NELL2: variants seen among roughly 807,000 people sequenced by gnomAD.
NELL2 encodes protein kinase C-binding protein NELL2.
Under a neutral mutation model 109.6 loss-of-function variants are expected in NELL2, and 41 were observed. The observed-to-expected ratio is 0.37, with a 90% CI of 0.29 to 0.49. The LOEUF (loss-of-function observed/expected upper bound fraction) is 0.49, where lower values mean the gene tolerates loss of function less well. NELL2 is among the 20% of genes least tolerant of loss of function. NELL2 has a pLI of 0.98. For missense variants in NELL2, 900 were observed against 1,008.3 expected (o/e 0.89, Z 1.45); for synonymous variants, 355 against 344.7 (o/e 1.03, Z -0.33).
At chr12:44,824,011 C>A (rs888871417) in intron 2 of NELL2, among the ~76,000 whole-genome samples, 2 of 152,116 alleles carry the variant, frequency 1.3e-5, no homozygotes, top group Non-Finnish European at 2.9e-5. Flanking sequence ...TTTTCACATA[C>A]ATTTTGACTA....
At chr12:44,661,771 T>A (rs1947751701) in intron 13 of NELL2, among the ~76,000 whole-genome samples, 1 of 152,188 alleles carries the variant, frequency 6.6e-6, no homozygotes, top group African/African-American at 2.4e-5. Context: ...TTTGCAGAGA[T>A]CCTGAAGAAT....
intron 1 of NELL2, among the ~76,000 whole-genome samples, chr12:44,908,810 C>A (rs887964071): frequency 1.3e-5 from 2 of 151,870 alleles, no homozygotes; most frequent in African/African-American, 4.8e-5. Flanking sequence ...AATGACCACA[C>A]TAGAAAAATA....
rs563769057 is a variant in NELL2 at position 44,648,900 on chromosome 12, T to TTGTGTGTGTGTGTGTGTG, written c.1444+16566_1444+16583dup. Among the ~76,000 whole-genome samples, 582 of 107,130 alleles carry TTGTGTGTGTGTGTGTGTG rather than the reference T, an allele frequency of 5.4e-3. 10 individuals carry two copies. The highest frequency in any genetic ancestry group is 0.018 in the East Asian group (61 of 3,308). 70.3% of individuals were successfully genotyped at this position (107,130 alleles called of 152,430 possible). A position where few individuals can be genotyped will look rare whatever the true frequency, so the allele number is the denominator to read the frequency against. On this transcript the variant is annotated intron_variant, in intron 13 of 19. Transcript: ENST00000429094. ...ACAGGCGCATGCCACCACGCCCAGC[T>TTGTGTGTGTGTGTGTGTG]TGTGTGTGTGTGTGTGTGTGTGTGT...
chr12:44,515,941 T>G (rs1206918014), intron 19 of NELL2, among the ~76,000 whole-genome samples: 2 of 151,928 alleles, frequency 1.3e-5, no homozygotes, highest in Non-Finnish European at 2.9e-5. Context: ...TCCTTTATTT[T>G]CAAGATTTTT....
intron 15 of NELL2, among the ~76,000 whole-genome samples, chr12:44,577,564 G>A (rs113241806): frequency 0.046 from 6,144 of 133,100 alleles, 450 homozygotes; most frequent in African/African-American, 0.16. Flanking sequence ...TGCAAGCCCC[G>A]CCTCCCGGGT....
chr12:44,777,190 T>G, intron 6 of NELL2, 52 bp downstream of exon 6: 1 of 1,608,458 alleles, frequency 6.2e-7, no homozygotes, highest in Non-Finnish European at 8.5e-7. Flanking sequence ...GTTAAGTCTA[T>G]GCTGACAAGT....
At chr12:44,703,295 C>T (rs1307133843) in intron 12 of NELL2, among the ~76,000 whole-genome samples, 1 of 152,136 alleles carries the variant, frequency 6.6e-6, no homozygotes, top group East Asian at 1.9e-4. Flanking sequence ...ATGAATACAA[C>T]CACTTAGATT....
intron 15 of NELL2, among the ~76,000 whole-genome samples, chr12:44,574,149 T>A (rs1170117268): frequency 1.3e-5 from 2 of 152,054 alleles, no homozygotes; most frequent in East Asian, 3.9e-4. Flanking sequence ...CTGCAACCTC[T>A]GTCTCTTGGG....
At chr12:44,702,825 T>C (rs1179502323) in intron 12 of NELL2, among the ~76,000 whole-genome samples, 2 of 149,668 alleles carry the variant, frequency 1.3e-5, no homozygotes, top group Non-Finnish European at 2.9e-5. Context: ...GAAAAAACTA[T>C]TTAAGCTAAG....
intron 2 of NELL2, among the ~76,000 whole-genome samples, chr12:44,874,537 G>C (rs917073698): frequency 2.0e-5 from 3 of 152,110 alleles, no homozygotes; most frequent in Non-Finnish European, 2.9e-5. Context: ...TTTGTGCCCA[G>C]CCAATATCCA....
intron 11 of NELL2, among the ~76,000 whole-genome samples, chr12:44,704,288 T>C (rs1937729214): frequency 6.6e-6 from 1 of 152,054 alleles, no homozygotes. Context: ...GTACCTATTG[T>C]GTATTTAAGA....
intron 12 of NELL2, among the ~76,000 whole-genome samples, chr12:44,671,534 G>A (rs1421160994): frequency 6.6e-6 from 1 of 151,882 alleles, no homozygotes; most frequent in Non-Finnish European, 1.5e-5. Flanking sequence ...TTATTACATA[G>A]AATAACAAAG....
At chr12:44,587,282 A>AT (rs1251414688) in intron 15 of NELL2, among the ~76,000 whole-genome samples, 14 of 70,502 alleles carry the variant, frequency 2.0e-4, no homozygotes, top group African/African-American at 8.0e-4. Context: ...AAAAAAAAAA[A>AT]AAATATATAT....
intron 9 of NELL2, among the ~76,000 whole-genome samples, chr12:44,767,088 C>T (rs376604277): frequency 3.3e-5 from 5 of 152,034 alleles, no homozygotes; most frequent in Non-Finnish European, 5.9e-5. Context: ...TTACGTCTAC[C>T]GGAAAACCCA....
chr12:44,509,021 A>G, intron 19 of NELL2, 37 bp from the exon 20 acceptor site: 2 of 1,556,850 alleles, frequency 1.3e-6, no homozygotes, highest in Non-Finnish European at 1.8e-6. Context: ...AACAGTATGA[A>G]TTTTTAAGCC....
rs1940845154 is a variant in NELL2 at position 44,508,827 on chromosome 12, G to A, written c.*107C>T. On this transcript the variant is annotated 3_prime_UTR_variant, in exon 20 of 20. Coordinates refer to ENST00000429094, the MANE Select transcript of NELL2 (RefSeq NM_001145108.2). ...GAAAGTTCACTCAGCTATTAACAAA[G>A]CTGCATTTAGCTGCCCACAAATCAC... 1.1e-6 allele frequency: 1 copy of A among 874,070 alleles called. No individual in the cohort carries two copies. Among genetic ancestry groups the A allele is most frequent in the African/African-American group, 1.7e-5 (1 of 58,908 alleles). The allele number at this position is 874,070 out of a possible 1,614,324, so 54.1% of individuals were successfully genotyped here. A position where few individuals can be genotyped will look rare whatever the true frequency, so the allele number is the denominator to read the frequency against.
Position 44,813,572 on chromosome 12 carries a change from T to C in NELL2, c.335+2414A>G, listed in dbSNP as rs1943245821. On this transcript the variant is annotated intron_variant, in intron 3 of 19. Coordinates refer to ENST00000429094, the MANE Select transcript of NELL2 (RefSeq NM_001145108.2). ...TGTATAAGAAATATTCATCATATTA[T>C]TATTTATTAAAATTTACAAAGTAAA... Among the ~76,000 whole-genome samples, 3 of 152,284 alleles carry C rather than the reference T, an allele frequency of 2.0e-5. No homozygotes were observed. The South Asian group carries it at 6.2e-4, about 32-fold the overall frequency.
At chr12:44,714,551 G>C (rs1938381464) in intron 10 of NELL2, 99 bp downstream of exon 10, 3 of 667,402 alleles carry the variant, frequency 4.5e-6, no homozygotes, top group Admixed American at 7.0e-5. Flanking sequence ...CTTTGCATTA[G>C]AATTTCAAAA....
intron 2 of NELL2, among the ~76,000 whole-genome samples, chr12:44,825,441 G>T (rs1276894135): frequency 7.5e-6 from 1 of 133,984 alleles, no homozygotes; most frequent in Non-Finnish European, 1.5e-5. Context: ...CTGTCACCAG[G>T]CTGGAGTGCA....
Sources: gnomAD v4.1 joint callset for allele counts (sites outside exome capture counted in the v4.1 genomes callset) on GRCh38, gnomAD v4.1.1 for gene constraint, MANE v1.5 for transcripts, NCBI Gene and HGNC (gene_info 2026-07-23, HGNC 2026-07-21) for gene names.